ARHGEF3: variants seen among roughly 807,000 people sequenced by gnomAD.
ARHGEF3 encodes the protein Rho guanine nucleotide exchange factor 3, also known as 59.8 kDA protein.
ARHGEF3 carries 28 observed loss-of-function variants against 63.2 expected under a neutral mutation model. The observed-to-expected ratio is 0.44, with a 90% CI of 0.33 to 0.61. ARHGEF3 has a LOEUF of 0.61. ARHGEF3 is among the 20% of genes least tolerant of loss of function. ARHGEF3 has a pLI of 0.03. For missense variants in ARHGEF3, 533 were observed against 659.3 expected, an observed-to-expected ratio of 0.81 and a Z score of 2.10; for synonymous variants, 266 against 254.2, an observed-to-expected ratio of 1.05 and a Z score of -0.44.
rs374677472 is a variant in ARHGEF3 at position 56,773,826 on chromosome 3, T to TA, written c.97-11dup. On this transcript the variant is annotated splice_polypyrimidine_tract_variant and intron_variant, in intron 1 of 9. Coordinates refer to ENST00000296315, the MANE Select transcript of ARHGEF3 (RefSeq NM_019555.3). Reference sequence around the variant, plus strand: ...GTTTATTACTAGGCTCCTATAGAGTTAAAAAAAAAAAAAAGTAAAATGTCA... The same window carrying TA: ...GTTTATTACTAGGCTCCTATAGAGTTAAAAAAAAAAAAAAAGTAAAATGTCA... 0.09 allele frequency: 122,670 copies of TA among 1,357,642 alleles called. 226 individuals carry two copies. The highest frequency in any genetic ancestry group is 0.1 in the Non-Finnish European group (102,526 of 999,646). The allele number at this position is 1,357,642 out of a possible 1,614,324, so 84.1% of individuals were successfully genotyped here.
Position 56,751,547 on chromosome 3 carries a change from G to A in ARHGEF3, c.439-151C>T. ...ATAAAGCTGCAGAAACAGCAGAGAG[G>A]TGTGGCTGGAGGAGAGGAGAAACCA... On this transcript the variant is annotated intron_variant, in intron 4 of 9. Coordinates refer to ENST00000296315, the MANE Select transcript of ARHGEF3 (RefSeq NM_019555.3). 1.2e-5 allele frequency: 8 copies of A among 664,398 alleles called. No homozygotes were observed. In the South Asian group the frequency reaches 1.5e-4, roughly 12 times the overall value. 41.2% of individuals were successfully genotyped at this position (664,398 alleles called of 1,614,324 possible).
intron 2 of ARHGEF3, among the ~76,000 whole-genome samples, chr3:56,971,108 G>A (rs1329206574): frequency 6.6e-6 from 1 of 152,144 alleles, no homozygotes; most frequent in Admixed American, 6.6e-5. Flanking sequence ...CAGCTAATAG[G>A]AGCTTAATAA....
At chr3:56,909,513 CA>C (rs1560041787) in intron 3 of ARHGEF3, among the ~76,000 whole-genome samples, 1 of 152,208 alleles carries the variant, frequency 6.6e-6, no homozygotes, top group Non-Finnish European at 1.5e-5. Context: ...CAGAAGATCA[CA>C]AGCATTTAAC....
chr3:56,993,664 C>G (rs539170838), intron 2 of ARHGEF3, among the ~76,000 whole-genome samples: 77 of 152,076 alleles, frequency 5.1e-4, no homozygotes, highest in African/African-American at 1.8e-3. Context: ...CATGAGCCAC[C>G]GTGCCCAGCC....
intron 1 of ARHGEF3, among the ~76,000 whole-genome samples, chr3:56,800,164 T>C (rs1268528210): frequency 2.0e-5 from 3 of 152,210 alleles, no homozygotes; most frequent in East Asian, 1.9e-4. Flanking sequence ...TAAGTAATAG[T>C]AGGAAGGGAC....
intron 3 of ARHGEF3, among the ~76,000 whole-genome samples, chr3:56,912,876 G>A (rs971182674): frequency 5.3e-5 from 8 of 152,158 alleles, no homozygotes; most frequent in African/African-American, 1.9e-4. Context: ...AGTGGCCTGC[G>A]TCTATAATCC....
chr3:57,022,747 C>T (rs1216839445), intron 2 of ARHGEF3, among the ~76,000 whole-genome samples: 1 of 151,904 alleles, frequency 6.6e-6, no homozygotes, highest in Non-Finnish European at 1.5e-5. Context: ...CTGTTTTTTG[C>T]CAACAAAGGA....
intron 2 of ARHGEF3, among the ~76,000 whole-genome samples, chr3:57,023,785 C>T (rs942161491): frequency 3.3e-5 from 5 of 152,328 alleles, no homozygotes; most frequent in African/African-American, 7.2e-5. Flanking sequence ...CTACTTCCCA[C>T]GGGGAATGTT....
chr3:57,001,148 C>A (rs891320811), intron 2 of ARHGEF3, among the ~76,000 whole-genome samples: 1 of 152,078 alleles, frequency 6.6e-6, no homozygotes, highest in African/African-American at 2.4e-5. Context: ...CTATGTTGCC[C>A]AGGCTGGTCT....
intron 2 of ARHGEF3, among the ~76,000 whole-genome samples, chr3:57,021,386 C>T (rs1261794188): frequency 6.6e-6 from 1 of 152,154 alleles, no homozygotes; most frequent in Non-Finnish European, 1.5e-5. Flanking sequence ...CATCACATCT[C>T]CTAGGGAAAC....
chr3:56,993,033 C>G (rs1000043341), intron 2 of ARHGEF3, among the ~76,000 whole-genome samples: 1 of 152,126 alleles, frequency 6.6e-6, no homozygotes, highest in Non-Finnish European at 1.5e-5. Context: ...GAGAGTTTCA[C>G]CATATTGGCC....
intron 2 of ARHGEF3, among the ~76,000 whole-genome samples, chr3:56,982,170 T>C (rs1403408843): frequency 6.6e-6 from 1 of 151,728 alleles, no homozygotes; most frequent in East Asian, 1.9e-4. Flanking sequence ...AGGCTCCTAA[T>C]GACACAGATT....
At chr3:56,804,541 T>C (rs1462100174), upstream of ARHGEF3, among the ~76,000 whole-genome samples, 1 of 152,212 alleles carries the variant, frequency 6.6e-6, no homozygotes, top group Non-Finnish European at 1.5e-5. Flanking sequence ...TTGGGCCCTG[T>C]GTAACCAGCC....
At chr3:57,043,541 A>G (rs1028278395) in intron 1 of ARHGEF3, among the ~76,000 whole-genome samples, 14 of 152,148 alleles carry the variant, frequency 9.2e-5, no homozygotes, top group African/African-American at 2.9e-4. Flanking sequence ...ACAAAGCTGT[A>G]ATGATGGGAT....
chr3:56,977,346 AC>A (rs1701165596), intron 2 of ARHGEF3: 1 of 456,300 alleles, frequency 2.2e-6, no homozygotes, highest in African/African-American at 2.0e-5. Flanking sequence ...TGGGCCCCTC[AC>A]TAACTCTCAG....
At chr3:56,813,600 T>A (rs1474319936) in intron 4 of ARHGEF3, among the ~76,000 whole-genome samples, 1 of 152,170 alleles carries the variant, frequency 6.6e-6, no homozygotes, top group Non-Finnish European at 1.5e-5. Flanking sequence ...TTAAAGGAAG[T>A]GCCTGTCATC....
At chr3:56,877,753 A>G (rs549996651) in intron 4 of ARHGEF3, among the ~76,000 whole-genome samples, 3 of 152,308 alleles carry the variant, frequency 2.0e-5, no homozygotes, top group African/African-American at 7.2e-5. Flanking sequence ...ATACATGTCC[A>G]TAGCAAATTT....
chr3:56,837,186 T>C (rs2039142330), intron 4 of ARHGEF3, among the ~76,000 whole-genome samples: 1 of 152,132 alleles, frequency 6.6e-6, no homozygotes, highest in African/African-American at 2.4e-5. Flanking sequence ...AGATTGGTGC[T>C]GATTAAAAAA....
intron 3 of ARHGEF3, among the ~76,000 whole-genome samples, chr3:56,913,760 C>G (rs541926868): frequency 2.6e-5 from 4 of 152,260 alleles, no homozygotes; most frequent in African/African-American, 7.2e-5. Context: ...GTAGATCTAC[C>G]ATTTGATTCA....
Sources: gnomAD v4.1 joint callset for allele counts (sites outside exome capture counted in the v4.1 genomes callset) on GRCh38, gnomAD v4.1.1 for gene constraint, MANE v1.5 for transcripts, NCBI Gene and HGNC (gene_info 2026-07-23, HGNC 2026-07-21) for gene names.